Variants in CCDC15 observed in about 807,000 individuals in gnomAD.
The protein encoded by CCDC15 is coiled-coil domain containing 15.
A neutral mutation model predicts 114.5 loss-of-function variants in CCDC15; 105 were observed. The ratio of observed to expected loss-of-function variants is 0.92; its 90% confidence interval spans 0.78 to 1.08. The LOEUF is 1.08. Ranked by LOEUF, CCDC15 falls within the 50% of genes least tolerant of loss-of-function variation. The probability of loss-of-function intolerance (pLI) is 0.00; values close to 1 mark genes in which losing one functional copy is unlikely to be tolerated. For synonymous variants in CCDC15, 334 were observed against 377.8 expected (o/e 0.88, Z 1.34); for missense variants, 1,105 against 1,093.6 (o/e 1.01, Z -0.15).
intron 11 of CCDC15, among the ~76,000 whole-genome samples, chr11:124,998,671 A>G (rs1948417347): frequency 6.6e-6 from 1 of 151,918 alleles, no homozygotes; most frequent in Non-Finnish European, 1.5e-5. Flanking sequence ...TCTACACTGA[A>G]AACTCCATTT....
intron 4 of CCDC15, among the ~76,000 whole-genome samples, chr11:124,973,586 G>T (rs930921827): frequency 6.6e-6 from 1 of 151,884 alleles, no homozygotes; most frequent in African/African-American, 2.4e-5. Flanking sequence ...AGAGTAGAGT[G>T]TTTTCATCCT....
Position 124,975,205 on chromosome 11 carries a change from G to A in CCDC15, c.626G>A (p.Arg209Lys). ...PDDGRKSFLTREEVLSRKPAS... is the reference protein window; with the variant it reads ...PDDGRKSFLTKEEVLSRKPAS... ...GATGGAAGGAAAAGCTTTCTTACCA[G>A]AGAGGTAAATTAATTTCTAATACAT... Residue 209 changes from arginine to lysine, a missense_variant, in exon 5 of 16, where the codon AGA (arginine) becomes AAA (lysine). Arg to Lys is a conservative substitution (Grantham distance 26, BLOSUM62 2). Transcript: ENST00000344762. The A allele has an allele frequency of 6.4e-7, 1 of 1,552,410 alleles. No homozygotes were observed. The highest frequency in any genetic ancestry group is 8.7e-7 in the Non-Finnish European group (1 of 1,147,704).
At chr11:124,982,210 GA>G (rs1432348122) in intron 6 of CCDC15, among the ~76,000 whole-genome samples, 1 of 152,042 alleles carries the variant, frequency 6.6e-6, no homozygotes, top group African/African-American at 2.4e-5. Flanking sequence ...GTCTCTTGTA[GA>G]CAGCATACCA....
intron 6 of CCDC15, 42 bp from the exon 7 acceptor site, chr11:124,986,700 T>TGTGTGTGCGCGCGC (rs878887902): frequency 1.8e-4 from 242 of 1,352,954 alleles, no homozygotes; most frequent in African/African-American, 9.1e-4. Context: ...TTTGTGTGTG[T>TGTGTGTGCGCGCGC]GCGCGCGCGC....
chr11:124,975,279 C>T (rs1947955485), intron 5 of CCDC15, 70 bp downstream of exon 5: 2 of 923,626 alleles, frequency 2.2e-6, no homozygotes, highest in African/African-American at 3.5e-5. Context: ...TTACTTATAT[C>T]TCAGCATAAT....
At chr11:124,971,071 C>T (rs7925079) in intron 4 of CCDC15, among the ~76,000 whole-genome samples, 30,916 of 151,936 alleles carry the variant, frequency 0.2, 3,750 homozygotes, top group African/African-American at 0.34. Flanking sequence ...TGCCTAAGGC[C>T]GCCCCTTTAA....
chr11:124,959,722 C>CCCATTA, intron 3 of CCDC15, 93 bp from the exon 4 acceptor site: 1 of 680,680 alleles, frequency 1.5e-6, no homozygotes, highest in Non-Finnish European at 2.1e-6. Flanking sequence ...CCCCCCACCC[C>CCCATTA]AATTTAAAAT....
intron 13 of CCDC15, among the ~76,000 whole-genome samples, chr11:125,007,279 A>G (rs931187664): frequency 6.6e-6 from 1 of 151,940 alleles, no homozygotes; most frequent in Non-Finnish European, 1.5e-5. Flanking sequence ...TCTACTTTCT[A>G]CCTCTATGGG....
intron 15 of CCDC15, chr11:125,039,498 CA>C (rs1948801456): frequency 6.5e-6 from 1 of 154,994 alleles, no homozygotes; most frequent in African/African-American, 2.4e-5. Flanking sequence ...AAATAAGAAA[CA>C]GTATAAACTC....
intron 13 of CCDC15, among the ~76,000 whole-genome samples, chr11:125,031,985 T>A (rs1472269307): frequency 2.0e-5 from 3 of 152,222 alleles, no homozygotes; most frequent in Non-Finnish European, 2.9e-5. Context: ...TTAGAAGGAA[T>A]ATCTCGACAG....
intron 13 of CCDC15, among the ~76,000 whole-genome samples, chr11:125,007,310 C>G (rs1441240800): frequency 6.6e-6 from 1 of 152,188 alleles, no homozygotes; most frequent in Admixed American, 6.5e-5. Context: ...TTAGCTCCCA[C>G]ATGTGAGTGA....
intron 13 of CCDC15, among the ~76,000 whole-genome samples, chr11:125,026,307 GCTGAGTTCTGC>G (rs1948702233): frequency 6.6e-6 from 1 of 152,150 alleles, no homozygotes; most frequent in Admixed American, 6.5e-5. Context: ...TTGGCCACTG[GCTGAGTTCTGC>G]CTGGTGTTAG....
chr11:124,973,678 C>T (rs764420835), intron 4 of CCDC15, among the ~76,000 whole-genome samples: 7 of 151,928 alleles, frequency 4.6e-5, no homozygotes, highest in South Asian at 2.1e-4. Context: ...GGTTAGGGTG[C>T]GGTGGCGCAA....
intron 2 of CCDC15, 31 bp downstream of exon 2, chr11:124,954,940 G>T: frequency 6.2e-7 from 1 of 1,603,636 alleles, no homozygotes; most frequent in Non-Finnish European, 8.5e-7. Flanking sequence ...AATATGGTGG[G>T]GTTCCCCACC....
chr11:125,018,772 G>A (rs1327333746), intron 13 of CCDC15, among the ~76,000 whole-genome samples: 1 of 151,998 alleles, frequency 6.6e-6, no homozygotes, highest in Non-Finnish European at 1.5e-5. Context: ...AAGGAAAAAA[G>A]TACAAGAATA....
intron 11 of CCDC15, among the ~76,000 whole-genome samples, chr11:125,001,440 T>A (rs1208280035): frequency 2.0e-5 from 3 of 152,250 alleles, no homozygotes; most frequent in South Asian, 4.1e-4. Context: ...AAGTATACAG[T>A]ATTTTTAGTA....
At chr11:124,961,266 T>G (rs1309102574) in intron 4 of CCDC15, among the ~76,000 whole-genome samples, 1 of 152,226 alleles carries the variant, frequency 6.6e-6, no homozygotes, top group Non-Finnish European at 1.5e-5. Flanking sequence ...TCAGCAGTAT[T>G]TGCCTATGCT....
intron 6 of CCDC15, among the ~76,000 whole-genome samples, chr11:124,984,337 C>T (rs1411061487): frequency 1.3e-5 from 2 of 152,058 alleles, no homozygotes; most frequent in East Asian, 1.9e-4. Context: ...TTATGTGGGC[C>T]TCTGGGAGGC....
In CCDC15 at chr11:124,993,327, G is replaced by A. The variant is rs1163846037; in HGVS notation, c.2214+84G>A. ...GTGAGTAAGTAACAGAGTGTAAATT[G>A]CTTTTTTTTTGGCTGAAGATTGACA... On this transcript the variant is annotated intron_variant, in intron 11 of 15. Coordinates refer to ENST00000344762, the MANE Select transcript of CCDC15 (RefSeq NM_025004.3). 5.4e-6 allele frequency: 5 copies of A among 921,636 alleles called. No homozygotes were observed. In the African/African-American group the frequency reaches 6.7e-5, roughly 12 times the overall value. 57.1% of individuals were successfully genotyped at this position (921,636 alleles called of 1,614,324 possible).
Sources: gnomAD v4.1 joint callset for allele counts (sites outside exome capture counted in the v4.1 genomes callset) on GRCh38, gnomAD v4.1.1 for gene constraint, MANE v1.5 for transcripts, NCBI Gene and HGNC (gene_info 2026-07-23, HGNC 2026-07-21) for gene names.